The following CDYL2 variants were observed in gnomAD, a reference collection of about 807,000 sequenced individuals.
CDYL2 encodes the protein chromodomain Y like 2.
In CDYL2, 23 loss-of-function variants were observed where a neutral mutation model predicts 49.4. The observed-to-expected ratio is 0.47, with a 90% confidence interval of 0.34 to 0.66. CDYL2 has a LOEUF of 0.66. CDYL2 is among the 30% of genes least tolerant of loss of function. The pLI is 0.01. For synonymous variants in CDYL2, 360 were observed against 268.8 expected, an observed-to-expected ratio of 1.34 and a Z score of -3.32; for missense variants, 678 against 656.4, an observed-to-expected ratio of 1.03 and a Z score of -0.36.
At chr16:80,606,878 A>T (rs369672457) in intron 6 of CDYL2, among the ~76,000 whole-genome samples, 31 of 152,256 alleles carry the variant, frequency 2.0e-4, no homozygotes, top group South Asian at 8.3e-4. Context: ...GCCATGTAAG[A>T]CATGCCTTTG....
intron 2 of CDYL2, among the ~76,000 whole-genome samples, chr16:80,650,419 T>C (rs948835214): frequency 1.3e-5 from 2 of 152,116 alleles, no homozygotes; most frequent in African/African-American, 2.4e-5. Flanking sequence ...TGAGATATCA[T>C]CTCACCGCAT....
chr16:80,716,961 G>A (rs934518072), intron 1 of CDYL2, among the ~76,000 whole-genome samples: 7 of 151,306 alleles, frequency 4.6e-5, no homozygotes, highest in Non-Finnish European at 7.4e-5. Context: ...TGGATGGGCA[G>A]ATGGATGAGT....
chr16:80,743,261 C>T (rs1905810824), intron 1 of CDYL2, among the ~76,000 whole-genome samples: 1 of 152,126 alleles, frequency 6.6e-6, no homozygotes, highest in South Asian at 2.1e-4. Flanking sequence ...GAAGTAAAAC[C>T]TTAAATGGTA....
intron 1 of CDYL2, among the ~76,000 whole-genome samples, chr16:80,758,938 A>C (rs1240310549): frequency 6.6e-6 from 1 of 151,702 alleles, no homozygotes; most frequent in African/African-American, 2.4e-5. Context: ...TCTATAATAT[A>C]AGAAAATACT....
At chr16:80,803,694 G>T (rs1447415205) in intron 1 of CDYL2, among the ~76,000 whole-genome samples, 4 of 114,508 alleles carry the variant, frequency 3.5e-5, no homozygotes, top group Non-Finnish European at 7.2e-5. Context: ...CGGCCCAGCC[G>T]GGCCGCGCAA....
chr16:80,758,263 A>G (rs954855174), intron 1 of CDYL2, among the ~76,000 whole-genome samples: 1 of 152,194 alleles, frequency 6.6e-6, no homozygotes, highest in Non-Finnish European at 1.5e-5. Context: ...TCTTTACACC[A>G]AAATAAATTT....
chr16:80,610,840 G>C (rs1439001291), intron 5 of CDYL2, among the ~76,000 whole-genome samples: 1 of 152,130 alleles, frequency 6.6e-6, no homozygotes, highest in Non-Finnish European at 1.5e-5. Flanking sequence ...GGTCTCCTAT[G>C]ACCTATGACA....
At chr16:80,772,104 G>T (rs1162417949) in intron 1 of CDYL2, among the ~76,000 whole-genome samples, 1 of 152,090 alleles carries the variant, frequency 6.6e-6, no homozygotes, top group Non-Finnish European at 1.5e-5. Flanking sequence ...ATCCACTAAG[G>T]AAATAACTGC....
chr16:80,646,200 T>C (rs953074666), intron 2 of CDYL2, among the ~76,000 whole-genome samples: 2 of 151,962 alleles, frequency 1.3e-5, no homozygotes, highest in Admixed American at 1.3e-4. Flanking sequence ...GTGGGAATTA[T>C]GGGAATACAA....
intron 3 of CDYL2, among the ~76,000 whole-genome samples, chr16:80,622,938 G>A (rs1460201868): frequency 6.6e-6 from 1 of 152,126 alleles, no homozygotes; most frequent in African/African-American, 2.4e-5. Flanking sequence ...CTTGTGAGGT[G>A]GGCATTATTA....
intron 4 of CDYL2, among the ~76,000 whole-genome samples, chr16:80,614,923 C>A (rs1906762054): frequency 2.0e-5 from 3 of 149,452 alleles, no homozygotes; most frequent in Admixed American, 2.0e-4. Context: ...TCAATCAATA[C>A]TGTTCCTTCC....
chr16:80,703,691 C>T (rs1014471473), intron 1 of CDYL2, among the ~76,000 whole-genome samples: 4 of 152,132 alleles, frequency 2.6e-5, no homozygotes, highest in African/African-American at 7.2e-5. Flanking sequence ...CTCCCAGAAC[C>T]GCACCTGGTG....
At chr16:80,652,058 T>C (rs73583674) in intron 2 of CDYL2, among the ~76,000 whole-genome samples, 147 of 152,314 alleles carry the variant, frequency 9.7e-4, no homozygotes, top group African/African-American at 3.5e-3. Context: ...TAAGGGTATA[T>C]ACACAGGTTA....
At chr16:80,700,935 G>A (rs1376649867) in intron 1 of CDYL2, among the ~76,000 whole-genome samples, 1 of 152,220 alleles carries the variant, frequency 6.6e-6, no homozygotes, top group African/African-American at 2.4e-5. Flanking sequence ...GTAACGCCGT[G>A]CAGCTAAGAA....
rs778020207 is a variant in CDYL2 at position 80,685,040 on chromosome 16, C to A, written c.114G>T (p.Thr38=). Residue 38 remains threonine (T), a synonymous_variant, in exon 2 of 7, where the codon ACG becomes ACT. Transcript: ENST00000570137. ...RWKGYGSTED[T]WEPEHHLLHC... is the part of the protein sequence containing the mutation. Reference sequence around the variant, plus strand: ...GCAAGAGGTGGTGCTCCGGCTCCCACGTGTCCTCGGTGCTCCCGTAGCCTT... The same window carrying A: ...GCAAGAGGTGGTGCTCCGGCTCCCAAGTGTCCTCGGTGCTCCCGTAGCCTT... 1.1e-5 allele frequency: 17 copies of A among 1,614,208 alleles called. No homozygotes were observed. The highest frequency in any genetic ancestry group is 1.6e-4 in the Middle Eastern group (1 of 6,062).
intron 1 of CDYL2, among the ~76,000 whole-genome samples, chr16:80,744,442 G>A (rs1276435328): frequency 2.0e-5 from 3 of 152,054 alleles, no homozygotes; most frequent in Non-Finnish European, 4.4e-5. Flanking sequence ...AGGAAGCCCT[G>A]TTCAGACCTC....
intron 1 of CDYL2, among the ~76,000 whole-genome samples, chr16:80,781,455 C>T (rs752979952): frequency 2.0e-5 from 3 of 151,968 alleles, no homozygotes; most frequent in Non-Finnish European, 4.4e-5. Context: ...CTTCAATATC[C>T]CATATTTAAC....
chr16:80,777,011 G>T (rs1026962953), intron 1 of CDYL2, among the ~76,000 whole-genome samples: 1 of 151,828 alleles, frequency 6.6e-6, no homozygotes, highest in Non-Finnish European at 1.5e-5. Flanking sequence ...TAATAGGGAC[G>T]GGGTTTTACC....
rs763194077 is a variant in CDYL2, at chr16:80,712,215, A to ATATATATATATATATC, written c.25-27087_25-27086insGATATATATATATATA. Among the ~76,000 whole-genome samples the ATATATATATATATATC allele has an allele frequency of 9.8e-3, 1,263 of 128,282 alleles. 28 individuals are homozygous for ATATATATATATATATC. The highest frequency in any genetic ancestry group is 0.027 in the East Asian group (127 of 4,752). The allele number at this position is 128,282 out of a possible 152,430, so 84.2% of individuals were successfully genotyped here. On this transcript the variant is annotated intron_variant, in intron 1 of 6. Coordinates refer to ENST00000570137, the MANE Select transcript of CDYL2 (RefSeq NM_152342.4). ...TGTATATATATATATATATATATAT[A>ATATATATATATATATC]TCTCCAAACCACTGCTCACTGTGAT...
Sources: allele counts gnomAD v4.1 joint callset (sites outside exome capture counted in the v4.1 genomes callset), GRCh38; gene constraint gnomAD v4.1.1; transcripts MANE v1.5; gene names NCBI Gene and HGNC (gene_info 2026-07-23, HGNC 2026-07-21).